The following BLTP1 variants were observed in gnomAD, a reference collection of about 807,000 sequenced individuals.
The protein encoded by BLTP1 is bridge-like lipid transfer protein family member 1, also known as fragile site-associated protein.
At chr4:122,257,442 G>C in the BLTP1 span, 3 of 1,614,080 alleles carry the variant, frequency 1.9e-6, no homozygotes, top group Non-Finnish European at 2.5e-6. Flanking sequence ...GACAATGGGG[G>C]TGGTCTTCAA....
chr4:122,301,443 T>C, the BLTP1 span: 2 of 1,130,970 alleles, frequency 1.8e-6, no homozygotes, highest in East Asian at 2.6e-5. Flanking sequence ...TTCTAATCAA[T>C]TAATATATGC....
the BLTP1 span, among the ~76,000 whole-genome samples, chr4:122,321,551 ACACT>A: frequency 5.3e-5 from 8 of 152,188 alleles, no homozygotes; most frequent in African/African-American, 1.4e-4. Flanking sequence ...ATATATACAC[ACACT>A]CACACACATG....
At chr4:122,182,868 A>G in the BLTP1 span, 1 of 985,050 alleles carries the variant, frequency 1.0e-6, no homozygotes, top group Non-Finnish European at 1.2e-6. Flanking sequence ...AATGATTAAT[A>G]AAGTGAATGC....
the BLTP1 span, among the ~76,000 whole-genome samples, chr4:122,290,743 C>T: frequency 7.7e-5 from 10 of 129,900 alleles, no homozygotes; most frequent in Admixed American, 8.7e-5. Context: ...GCTGAGATGG[C>T]GCCACTGTGC....
the BLTP1 span, chr4:122,258,919 G>T: frequency 1.2e-6 from 1 of 808,674 alleles, no homozygotes; most frequent in Non-Finnish European, 1.9e-6. Flanking sequence ...AAATTTAAAT[G>T]TTAGGTGTCC....
the BLTP1 span, chr4:122,334,282 TA>T: frequency 7.4e-7 from 1 of 1,351,198 alleles, no homozygotes; most frequent in Non-Finnish European, 1.0e-6. Context: ...CATTTTTCTA[TA>T]TTTCTTGATT....
At chr4:122,361,081 T>C in the BLTP1 span, among the ~76,000 whole-genome samples, 1 of 152,134 alleles carries the variant, frequency 6.6e-6, no homozygotes, top group Admixed American at 6.5e-5. Context: ...TTACCCACCT[T>C]GTAGGATCGT....
chr4:122,324,828 A>G, the BLTP1 span, among the ~76,000 whole-genome samples: 2 of 151,986 alleles, frequency 1.3e-5, no homozygotes, highest in Non-Finnish European at 2.9e-5. Flanking sequence ...GACAAGTTTT[A>G]TGCGTAAACT....
At chr4:122,187,637 C>T in the BLTP1 span, 1 of 970,770 alleles carries the variant, frequency 1.0e-6, no homozygotes, top group East Asian at 2.7e-5. Flanking sequence ...GTTCCCATTT[C>T]TGTATAGTGT....
the BLTP1 span, chr4:122,225,184 A>G: frequency 7.9e-6 from 2 of 252,536 alleles, no homozygotes; most frequent in South Asian, 2.7e-4. Context: ...ACCTGCTGTT[A>G]GTGATGTGGA....
the BLTP1 span, chr4:122,334,107 G>A: frequency 1.1e-5 from 2 of 179,200 alleles, no homozygotes; most frequent in Non-Finnish European, 2.1e-5. Flanking sequence ...TTTAGATTCT[G>A]GAATTATAGA....
chr4:122,247,324 G>A, the BLTP1 span: 1 of 1,613,284 alleles, frequency 6.2e-7, no homozygotes, highest in South Asian at 1.1e-5. Context: ...CATTCATCGA[G>A]TTCATGGGCA....
the BLTP1 span, chr4:122,281,696 A>G: frequency 2.5e-6 from 4 of 1,612,606 alleles, no homozygotes; most frequent in Admixed American, 3.3e-5. Context: ...GTTAGATGGT[A>G]TAGCCATTGG....
chr4:122,345,220 G>A, the BLTP1 span, among the ~76,000 whole-genome samples: 2 of 152,064 alleles, frequency 1.3e-5, no homozygotes, highest in Non-Finnish European at 2.9e-5. Context: ...ATAAGACAAG[G>A]TCTTATGTGT....
At chr4:122,233,982 G>A in the BLTP1 span, among the ~76,000 whole-genome samples, 1 of 151,872 alleles carries the variant, frequency 6.6e-6, no homozygotes, top group Non-Finnish European at 1.5e-5. Context: ...TCCCTGTGAG[G>A]GTCTTGAGAA....
chr4:122,328,088 T>C, the BLTP1 span: 4 of 1,510,432 alleles, frequency 2.6e-6, no homozygotes, highest in South Asian at 2.8e-5. Flanking sequence ...TTCATGTTTT[T>C]TCTTTTTACA....
the BLTP1 span, chr4:122,264,126 T>C: frequency 7.9e-7 from 1 of 1,259,148 alleles, no homozygotes; most frequent in Non-Finnish European, 1.0e-6. Flanking sequence ...TTTTTTTTCT[T>C]TTCAATTTAA....
At chr4:122,328,320 C>G in the BLTP1 span, 1 of 1,610,078 alleles carries the variant, frequency 6.2e-7, no homozygotes, top group Non-Finnish European at 8.5e-7. Flanking sequence ...AGATGAAGAC[C>G]ATGAGAGGGA....
chr4:122,236,732 T>C, the BLTP1 span: 1 of 928,614 alleles, frequency 1.1e-6, no homozygotes, highest in African/African-American at 1.8e-5. Flanking sequence ...ATGAGGAAAA[T>C]AGTAAATTCT....
Sources: gnomAD v4.1 joint callset for allele counts (sites outside exome capture counted in the v4.1 genomes callset) on GRCh38, gnomAD v4.1.1 for gene constraint, MANE v1.5 for transcripts, NCBI Gene and HGNC (gene_info 2026-07-23, HGNC 2026-07-21) for gene names.